SRGAP2: variants seen among roughly 807,000 people sequenced by gnomAD.
SRGAP2 encodes the protein SLIT-ROBO Rho GTPase-activating protein 2.
Under a neutral mutation model 57.2 loss-of-function variants are expected in SRGAP2, and 15 were observed. The ratio of observed to expected loss-of-function variants is 0.26; its 90% CI spans 0.18 to 0.40. SRGAP2 has a LOEUF of 0.40. SRGAP2 is among the 10% of genes least tolerant of loss of function. The probability of loss-of-function intolerance (pLI) is 1.00; values close to 1 mark genes in which losing one functional copy is unlikely to be tolerated. For missense variants in SRGAP2, 520 were observed against 669.6 expected (o/e 0.78, Z 2.47); for synonymous variants, 249 against 248.0 (o/e 1.00, Z -0.04).
In SRGAP2 at chr1:206,454,345, AGCCAGAGGG is replaced by A; in HGVS notation, c.2361-527_2361-519del. On this transcript the variant is annotated intron_variant, in intron 20 of 22. Transcript: ENST00000573034. The surrounding 1 kb of genome is among the most constrained non-coding windows in gnomAD (Gnocchi z 4.3). The stretch of plus-strand genomic sequence containing the variant: ...AGAAGGGGCTTTCTTTGTCATCAGT[AGCCAGAGGG>A]GCCAGGAGAGCAGTGGAGAGACCTG... The A allele has an allele frequency of 1.6e-6, 1 of 626,330 alleles. No homozygotes were observed. The highest frequency in any genetic ancestry group is 2.9e-6 in the Non-Finnish European group (1 of 349,448). 38.8% of individuals were successfully genotyped at this position (626,330 alleles called of 1,614,324 possible). A position where few individuals can be genotyped will look rare whatever the true frequency, so the allele number is the denominator to read the frequency against.
At chr1:206,284,113 T>C (rs1317342791) in intron 2 of SRGAP2, among the ~76,000 whole-genome samples, 2 of 151,980 alleles carry the variant, frequency 1.3e-5, no homozygotes, top group African/African-American at 4.8e-5. Flanking sequence ...GACTGCTTCT[T>C]ACATGTAATT....
Position 206,446,086 on chromosome 1 carries a change from T to C in SRGAP2, c.1886T>C (p.Phe629Ser), listed in dbSNP as rs1553373617. ...LFAFLNHLSQ[F>S]SEENMMDPYN... Reference sequence around the variant, plus strand: ...CCCTTCTCCTCCAGTTTATCACAGTTCAGTGAAGAGAACATGATGGACCCC... The same window carrying C: ...CCCTTCTCCTCCAGTTTATCACAGTCCAGTGAAGAGAACATGATGGACCCC... The change falls in exon 18 of 23, where the codon TTC (phenylalanine) becomes TCC (serine). Residue 629 changes from phenylalanine to serine, a missense_variant. This residue lies in a region of SRGAP2 where 478 missense variants were observed against 373.6 expected (regional missense o/e 1.28). Transcript: ENST00000573034. 1.3e-6 allele frequency: 1 copy of C among 780,958 alleles called. No individual in the cohort carries two copies. The allele number at this position is 780,958 out of a possible 1,614,324, so 48.4% of individuals were successfully genotyped here.
chr1:206,277,783 A>C (rs1670497347), intron 2 of SRGAP2, among the ~76,000 whole-genome samples: 1 of 152,214 alleles, frequency 6.6e-6, no homozygotes. Flanking sequence ...CAACCTGGAC[A>C]ACTTGGTGAA....
intron 13 of SRGAP2, among the ~76,000 whole-genome samples, chr1:206,425,691 C>G (rs1660731970): frequency 6.6e-6 from 1 of 151,224 alleles, no homozygotes; most frequent in Non-Finnish European, 1.5e-5. Flanking sequence ...CGCACCACAA[C>G]GCCTGGCTTA....
chr1:206,272,650 C>A (rs1373402663), intron 2 of SRGAP2, among the ~76,000 whole-genome samples: 3 of 152,174 alleles, frequency 2.0e-5, no homozygotes. Flanking sequence ...GAGCTCAGCT[C>A]CTCCACTCAC....
intron 2 of SRGAP2, among the ~76,000 whole-genome samples, chr1:206,243,640 C>T (rs1362176939): frequency 6.6e-6 from 1 of 152,188 alleles, no homozygotes; most frequent in Non-Finnish European, 1.5e-5. Flanking sequence ...AGGGGTGACT[C>T]TCTTTTCTAA....
At chr1:206,272,497 A>G (rs1393994239) in intron 2 of SRGAP2, among the ~76,000 whole-genome samples, 1 of 151,040 alleles carries the variant, frequency 6.6e-6, no homozygotes, top group Non-Finnish European at 1.5e-5. Flanking sequence ...CTGCAGTCTC[A>G]ACCTCCTGGG....
At chr1:206,434,336 G>C (rs149378436) in intron 14 of SRGAP2, among the ~76,000 whole-genome samples, 1,917 of 152,330 alleles carry the variant, frequency 0.013, 24 homozygotes, top group South Asian at 0.026. Flanking sequence ...AAGGGAGCAA[G>C]ATAACGTGAA....
chr1:206,241,655 T>C (rs1436931844), intron 2 of SRGAP2, among the ~76,000 whole-genome samples: 1 of 146,384 alleles, frequency 6.8e-6, no homozygotes, highest in Non-Finnish European at 1.5e-5. Context: ...AGTGTCTCTT[T>C]AGAAATTAAT....
At chr1:206,241,348 T>A (rs1402219270) in intron 2 of SRGAP2, among the ~76,000 whole-genome samples, 2 of 151,972 alleles carry the variant, frequency 1.3e-5, no homozygotes, top group African/African-American at 4.8e-5. Context: ...GCAGACAGAC[T>A]TCCTTTTCTA....
At chr1:206,419,611 A>G (rs2103240124) in intron 12 of SRGAP2, among the ~76,000 whole-genome samples, 1 of 152,278 alleles carries the variant, frequency 6.6e-6, no homozygotes, top group East Asian at 1.9e-4. Context: ...TTTGAGAAGG[A>G]GCTAAGCAGA....
intron 2 of SRGAP2, among the ~76,000 whole-genome samples, chr1:206,270,742 G>A (rs1483010437): frequency 2.2e-5 from 1 of 44,612 alleles, no homozygotes; most frequent in African/African-American, 1.1e-4. Flanking sequence ...CACGTGCCAC[G>A]TTTTAAAAAG....
intron 3 of SRGAP2, chr1:206,312,167 G>C (rs1672692945): frequency 6.6e-6 from 1 of 151,200 alleles, no homozygotes; most frequent in Non-Finnish European, 1.5e-5. Context: ...TTCCTGTACT[G>C]CCAGGAGAGC....
Position 206,450,482 on chromosome 1 carries a change from C to A in SRGAP2, c.2179+17C>A, listed in dbSNP as rs1331862268. ...GCGATGACGGTACGAGGCCCTGCTT[C>A]CTGGTCAGTGGGGACGCCAGGGGTG... On this transcript the variant is annotated intron_variant, in intron 19 of 22. Coordinates refer to ENST00000573034, the MANE Select transcript of SRGAP2 (RefSeq NM_015326.5). 5 of 780,532 alleles carry A rather than the reference C, an allele frequency of 6.4e-6. No individual in the cohort carries two copies. Among genetic ancestry groups the A allele is most frequent in the Non-Finnish European group, 1.2e-5 (5 of 417,892 alleles). 48.4% of individuals were successfully genotyped at this position (780,532 alleles called of 1,614,324 possible).
intron 17 of SRGAP2, among the ~76,000 whole-genome samples, chr1:206,445,616 G>A (rs745846348): frequency 6.6e-6 from 1 of 152,212 alleles, no homozygotes; most frequent in Non-Finnish European, 1.5e-5. Context: ...TATGCAAGAA[G>A]GTACACAATG....
intron 13 of SRGAP2, among the ~76,000 whole-genome samples, chr1:206,424,536 T>C (rs528947734): frequency 6.6e-6 from 1 of 152,256 alleles, no homozygotes; most frequent in African/African-American, 2.4e-5. Context: ...GCACCTGTAA[T>C]CCCAGCTACT....
chr1:206,249,512 A>G (rs1164220983), intron 2 of SRGAP2, among the ~76,000 whole-genome samples: 1 of 151,426 alleles, frequency 6.6e-6, no homozygotes, highest in Admixed American at 6.6e-5. Flanking sequence ...CAAACACCAC[A>G]TGTTCTCACT....
Position 206,461,118 on chromosome 1 carries a change from G to T in SRGAP2, c.2914G>T (p.Val972Leu), listed in dbSNP as rs200308937. ...RQSSVKHTPD[V>L]VLDTLEPLKT... ...GAGCAGTGTCAAACACACCCCTGACGTGGTTCTGGACACCTTGGAGCCCCT... is the reference window on the plus strand; with the variant it reads ...GAGCAGTGTCAAACACACCCCTGACTTGGTTCTGGACACCTTGGAGCCCCT... Residue 972 changes from valine (V) to leucine (L), a missense_variant, in exon 23 of 23, where the codon GTG becomes TTG. By Grantham distance (32) the Val-to-Leu change is conservative (BLOSUM62 1). This residue lies in a region of SRGAP2 where 478 missense variants were observed against 373.6 expected (regional missense o/e 1.28). Transcript: ENST00000573034. 2 of 779,820 alleles carry T rather than the reference G, an allele frequency of 2.6e-6. No homozygotes were observed. The highest frequency in any genetic ancestry group is 2.7e-5 in the South Asian group (2 of 74,544). 48.3% of individuals were successfully genotyped at this position (779,820 alleles called of 1,614,324 possible). A position where few individuals can be genotyped will look rare whatever the true frequency, so the allele number is the denominator to read the frequency against.
At chr1:206,452,885 C>CAAAAA (rs1166978056) in intron 19 of SRGAP2, among the ~76,000 whole-genome samples, 30 of 62,108 alleles carry the variant, frequency 4.8e-4, no homozygotes, top group African/African-American at 1.9e-3. Flanking sequence ...GACTCCATCC[C>CAAAAA]AAAAAAAAAA....
Sources: allele counts gnomAD v4.1 joint callset (sites outside exome capture counted in the v4.1 genomes callset), GRCh38; gene constraint gnomAD v4.1.1; regional missense constraint gnomAD v4.1.1; non-coding constraint Gnocchi (gnomAD v3.1); transcripts MANE v1.5; gene names NCBI Gene and HGNC (gene_info 2026-07-23, HGNC 2026-07-21).